Variants in ANKRD18B observed in about 807,000 individuals in gnomAD.
ANKRD18B encodes ankyrin repeat domain-containing protein 18B.
In ANKRD18B, 75 loss-of-function variants were observed where a neutral mutation model predicts 111.8. The ratio of observed to expected loss-of-function variants is 0.67; its 90% CI spans 0.56 to 0.81. ANKRD18B has a LOEUF of 0.81. Among genes scored for constraint, ANKRD18B ranks in the 40% least tolerant of loss-of-function variants. The pLI is 0.00. For synonymous variants in ANKRD18B, 356 were observed against 417.3 expected, an observed-to-expected ratio of 0.85 and a Z score of 1.79; for missense variants, 1,038 against 1,225.5, an observed-to-expected ratio of 0.85 and a Z score of 2.28.
At position 33,566,472 on chromosome 9, in the gene ANKRD18B, T is replaced by C. The variant is rs766539702; in HGVS notation, c.2714T>C (p.Ile905Thr). ...SELDERAMQA[I>T]EKLEEIHLQK... Reference sequence around the variant, plus strand: ...CTGGATGAAAGGGCAATGCAGGCAATAGAAAAATTAGAAGAAATCCATTTA... The same window carrying C: ...CTGGATGAAAGGGCAATGCAGGCAACAGAAAAATTAGAAGAAATCCATTTA... The change falls in exon 15 of 19, where the codon ATA (isoleucine) becomes ACA (threonine). Residue 905 changes from isoleucine (I) to threonine (T), a missense_variant. Around this residue, in one of 4 missense-constraint regions of ANKRD18B, gnomAD observed 524 missense variants for 677.9 expected, o/e 0.77. Transcript: ENST00000684830. The C allele has an allele frequency of 4.4e-6, 7 of 1,606,828 alleles. No individual in the cohort carries two copies. The highest frequency in any genetic ancestry group is 2.2e-4 in the Middle Eastern group (1 of 4,450).
chr9:33,542,944 G>A (rs1828301427), intron 9 of ANKRD18B, among the ~76,000 whole-genome samples: 1 of 151,376 alleles, frequency 6.6e-6, no homozygotes, highest in Admixed American at 6.6e-5. Flanking sequence ...ATAATTTTTG[G>A]GTGACCCTGA....
At position 33,568,676 on chromosome 9, in the gene ANKRD18B, A is replaced by T. The variant is rs1343388526; in HGVS notation, c.2960A>T (p.Asp987Val). 1 of 1,537,604 alleles carries T rather than the reference A, an allele frequency of 6.5e-7. No homozygotes were observed. Among genetic ancestry groups the T allele is most frequent in the South Asian group, 1.2e-5 (1 of 80,618 alleles). The change falls in exon 17 of 19, where the codon GAT becomes GTT. Residue 987 changes from aspartate to valine, a missense_variant. By Grantham distance (152) the Asp-to-Val change is radical (BLOSUM62 -3). This residue lies in a region of ANKRD18B where 524 missense variants were observed against 677.9 expected (regional missense o/e 0.77). Coordinates refer to ENST00000684830, the MANE Select transcript of ANKRD18B (RefSeq NM_001393611.1). Reference protein sequence around the residue: ...SSMSEKITKSDKKIAVISTKL... With the variant: ...SSMSEKITKSVKKIAVISTKL... ...TGTCTTTGCTCTCTTTACAGATCGG[A>T]TAAGAAAATAGCTGTGATCAGCACC...
chr9:33,565,885 T>G (rs1828677005), intron 14 of ANKRD18B, among the ~76,000 whole-genome samples: 1 of 152,114 alleles, frequency 6.6e-6, no homozygotes, highest in South Asian at 2.1e-4. Flanking sequence ...TGGGGAATGA[T>G]GATGAGGGAA....
Position 33,550,437 on chromosome 9 carries a change from T to G in ANKRD18B, c.2075T>G (p.Val692Gly). Residue 692 changes from valine (V) to glycine (G), a missense_variant, in exon 12 of 19, where the codon GTG (valine) becomes GGG (glycine). Physicochemically the swap from Val to Gly is moderately radical, Grantham distance 109. This residue lies in a region of ANKRD18B where 524 missense variants were observed against 677.9 expected (regional missense o/e 0.77). Transcript: ENST00000684830. ...ACAAAAATATTTTGTCAGGTGATTGTGAGAGAATTTCAAGAAGAACTGGTC... is the reference window on the plus strand; with the variant it reads ...ACAAAAATATTTTGTCAGGTGATTGGGAGAGAATTTCAAGAAGAACTGGTC... ...EKEKAEREVI[V>G]REFQEELVDH... is the part of the protein sequence containing the mutation. The G allele has an allele frequency of 6.5e-7, 1 of 1,536,346 alleles. No individual in the cohort carries two copies. Among genetic ancestry groups the G allele is most frequent in the Non-Finnish European group, 8.8e-7 (1 of 1,142,142 alleles).
Position 33,541,184 on chromosome 9 carries a change from A to G in ANKRD18B, c.1035A>G (p.Arg345=). 6.5e-7 allele frequency: 1 copy of G among 1,543,592 alleles called. No individual in the cohort carries two copies. The highest frequency in any genetic ancestry group is 8.7e-7 in the Non-Finnish European group (1 of 1,143,884). ...AAMKPENLKK[R]KKRKKLKKRK... is the part of the protein sequence containing the mutation. ...TGAAGCCTGAAAATTTGAAAAAAAGAAAAAAAAGAAAAAAATTGAAAAAAA... is the reference window on the plus strand; with the variant it reads ...TGAAGCCTGAAAATTTGAAAAAAAGGAAAAAAAGAAAAAAATTGAAAAAAA... The change falls in exon 9 of 19, where the codon AGA becomes AGG. Residue 345 remains arginine (R), a synonymous_variant. Coordinates refer to ENST00000684830, the MANE Select transcript of ANKRD18B (RefSeq NM_001393611.1).
chr9:33,527,748 C>T (rs1017788731), intron 1 of ANKRD18B, among the ~76,000 whole-genome samples: 34 of 152,172 alleles, frequency 2.2e-4, no homozygotes, highest in African/African-American at 7.2e-4. Flanking sequence ...ATGCCTAGAA[C>T]GGCCCTAGAC....
At chr9:33,524,854 C>A (rs916687423) in intron 1 of ANKRD18B, among the ~76,000 whole-genome samples, 159 bp downstream of exon 1, 2 of 152,256 alleles carry the variant, frequency 1.3e-5, no homozygotes, top group African/African-American at 4.8e-5. Context: ...GCCTGTAGCG[C>A]TTGGTGGATA....
chr9:33,529,839 G>A (rs1828085292), intron 3 of ANKRD18B, among the ~76,000 whole-genome samples: 1 of 152,150 alleles, frequency 6.6e-6, no homozygotes, highest in Admixed American at 6.5e-5. Context: ...GATTGGCAGT[G>A]AATATACGGT....
chr9:33,528,387 A>C (rs2117970238), intron 1 of ANKRD18B, among the ~76,000 whole-genome samples: 1 of 152,358 alleles, frequency 6.6e-6, no homozygotes, highest in South Asian at 2.1e-4. Context: ...TTTAAGCATC[A>C]CAGTGGTGTC....
chr9:33,560,526 T>G (rs1329363374), intron 14 of ANKRD18B, among the ~76,000 whole-genome samples: 1 of 152,264 alleles, frequency 6.6e-6, no homozygotes, highest in Non-Finnish European at 1.5e-5. Context: ...TTTTGCTGTC[T>G]CCTGCTTCTA....
intron 18 of ANKRD18B, 79 bp downstream of exon 18, chr9:33,571,370 A>T: frequency 1.7e-6 from 1 of 603,236 alleles, no homozygotes; most frequent in South Asian, 3.1e-5. Context: ...ATTCCTTTTC[A>T]TTGTTGGGTT....
At chr9:33,529,529 A>G (rs1165095585) in intron 3 of ANKRD18B, among the ~76,000 whole-genome samples, 8 of 152,238 alleles carry the variant, frequency 5.3e-5, no homozygotes, top group Admixed American at 5.2e-4. Flanking sequence ...GCAACTTACA[A>G]TAAATAGAAG....
Position 33,550,540 on chromosome 9 carries a change from A to G in ANKRD18B, c.2178A>G (p.Thr726=), listed in dbSNP as rs114003632. The G allele has an allele frequency of 4.6e-3, 7,152 of 1,541,022 alleles. 283 individuals are homozygous for G. In the African/African-American group the frequency reaches 0.086, roughly 19 times the overall value. ...ATTGTCATATTAATTTGGATGAGAC[A>G]TGGACTTCAAAGAAGAAATTATTTC... ...TSHCHINLDE[T]WTSKKKLFQV... The change falls in exon 12 of 19, where the codon ACA becomes ACG. Residue 726 remains threonine, a synonymous_variant. Coordinates refer to ENST00000684830, the MANE Select transcript of ANKRD18B (RefSeq NM_001393611.1).
chr9:33,541,128 A>G lies in ANKRD18B; in HGVS notation c.998-19A>G. 2 of 1,539,606 alleles carry G rather than the reference A, an allele frequency of 1.3e-6. No homozygotes were observed. Among genetic ancestry groups the G allele is most frequent in the South Asian group, 2.5e-5 (2 of 80,074 alleles). On this transcript the variant is annotated intron_variant, in intron 8 of 18. Transcript: ENST00000684830. Reference sequence around the variant, plus strand: ...ATGTTTTCCAGAAGGAATATCTAACAAGTTTGCGTGTTTGACAGAAACAGC... The same window carrying G: ...ATGTTTTCCAGAAGGAATATCTAACGAGTTTGCGTGTTTGACAGAAACAGC...
At chr9:33,532,583 T>C (rs1828133611) in intron 3 of ANKRD18B, among the ~76,000 whole-genome samples, 1 of 152,216 alleles carries the variant, frequency 6.6e-6, no homozygotes. Flanking sequence ...TCTATCCTCT[T>C]GCATTAGGAG....
chr9:33,568,967 C>T (rs1828729052), intron 17 of ANKRD18B, 74 bp downstream of exon 17: 8 of 1,326,432 alleles, frequency 6.0e-6, no homozygotes, highest in African/African-American at 1.5e-5. Context: ...TGGTGAAATA[C>T]TGAGTTGTTC....
rs2117973111 is a variant in ANKRD18B at position 33,528,999 on chromosome 9, G to A, written c.322-1G>A. 1 of 1,612,666 alleles carries A rather than the reference G, an allele frequency of 6.2e-7. No individual in the cohort carries two copies. The highest frequency in any genetic ancestry group is 1.1e-5 in the South Asian group (1 of 90,976). ...TCTAGTTTTTTATCTAACACTAATA[G>A]GCTGTACACTGCCAGGAAGAGGCTT... On this transcript the variant is annotated splice_acceptor_variant, in intron 2 of 18. Coordinates refer to ENST00000684830, the MANE Select transcript of ANKRD18B (RefSeq NM_001393611.1). LOFTEE classifies it high-confidence loss of function.
intron 10 of ANKRD18B, among the ~76,000 whole-genome samples, chr9:33,543,566 G>A (rs553992925): frequency 7.8e-4 from 118 of 152,176 alleles, no homozygotes; most frequent in African/African-American, 2.6e-3. Flanking sequence ...GTATTACTAA[G>A]CAAGAGAAAT....
chr9:33,575,086 C>A (rs536181621), downstream of ANKRD18B, among the ~76,000 whole-genome samples: 18 of 152,204 alleles, frequency 1.2e-4, no homozygotes, highest in Admixed American at 7.8e-4. Flanking sequence ...TGGTTTTGGC[C>A]TCTGGGCAGC....
Sources: gnomAD v4.1 joint callset for allele counts (sites outside exome capture counted in the v4.1 genomes callset) on GRCh38, gnomAD v4.1.1 for gene constraint, gnomAD v4.1.1 regional missense constraint, MANE v1.5 for transcripts, NCBI Gene and HGNC (gene_info 2026-07-23, HGNC 2026-07-21) for gene names.